Variants in CBFA2T2 observed in about 807,000 individuals in gnomAD.
The protein encoded by CBFA2T2 is CBFA2/RUNX1 partner transcriptional co-repressor 2.
A neutral mutation model predicts 62.2 loss-of-function variants in CBFA2T2; 11 were observed. The observed-to-expected ratio is 0.18, with a 90% CI of 0.11 to 0.29. The LOEUF (loss-of-function observed/expected upper bound fraction) is 0.29, where lower values mean the gene tolerates loss of function less well. CBFA2T2 is among the 10% of genes least tolerant of loss of function. CBFA2T2 has a pLI of 1.00. For missense variants in CBFA2T2, 592 were observed against 774.1 expected (o/e 0.76, Z 2.79); for synonymous variants, 295 against 287.5 (o/e 1.03, Z -0.27).
At position 33,512,037 on chromosome 20, in the gene CBFA2T2, C is replaced by T. The variant is rs1021088438; in HGVS notation, c.34+21736C>T. 7.9e-5 allele frequency among the ~76,000 whole-genome samples: 12 copies of T among 152,244 alleles called. 1 individual carries two copies. Among genetic ancestry groups the T allele is most frequent in the East Asian group, 5.8e-4 (3 of 5,182 alleles). On this transcript the variant is annotated intron_variant, in intron 1 of 10. Transcript: ENST00000342704. ...ACTAAAAATACAAAGATTAGCTGGGCGTGGTGGCATGCGCCTGTAGGCCCA... is the reference window on the plus strand; with the variant it reads ...ACTAAAAATACAAAGATTAGCTGGGTGTGGTGGCATGCGCCTGTAGGCCCA...
chr20:33,644,490 C>G lies in CBFA2T2; in HGVS notation c.1632C>G (p.His544Gln), dbSNP rs45563732. The change falls in exon 11 of 11, where the codon CAC becomes CAG. Residue 544 changes from histidine (H) to glutamine (Q), a missense_variant. His to Gln is a conservative substitution (Grantham distance 24). Transcript: ENST00000342704. ...CGQNLHGQSP[H>Q]GQGRPLLPVG... ...AGAACCTGCATGGCCAGAGCCCCCA[C>G]GGCCAGGGCCGGCCGCTGCTTCCTG... 6.2e-7 allele frequency: 1 copy of G among 1,613,988 alleles called. No homozygotes were observed. The highest frequency in any genetic ancestry group is 1.3e-5 in the African/African-American group (1 of 74,954).
chr20:33,494,908 T>A (rs1445068441), intron 1 of CBFA2T2, among the ~76,000 whole-genome samples: 2 of 151,540 alleles, frequency 1.3e-5, no homozygotes, highest in Admixed American at 1.3e-4. Context: ...TAGGTATGTT[T>A]TATAACATAC....
intron 1 of CBFA2T2, among the ~76,000 whole-genome samples, chr20:33,523,884 A>G (rs2011806495): frequency 6.6e-6 from 1 of 152,108 alleles, no homozygotes; most frequent in Non-Finnish European, 1.5e-5. Context: ...GGGTTTCTCC[A>G]TGTTGGTCAG....
chr20:33,636,990 T>C (rs1037794625), intron 9 of CBFA2T2, among the ~76,000 whole-genome samples: 5 of 152,218 alleles, frequency 3.3e-5, no homozygotes, highest in Non-Finnish European at 5.9e-5. Flanking sequence ...TGACATGTCC[T>C]GTTTCTGGGC....
At chr20:33,628,522 G>A in intron 7 of CBFA2T2, 87 bp downstream of exon 7, 2 of 896,072 alleles carry the variant, frequency 2.2e-6, no homozygotes, top group Non-Finnish European at 3.7e-6. Flanking sequence ...AGGATGGAGT[G>A]CAGTGGTATG....
At position 33,536,568 on chromosome 20, in the gene CBFA2T2, A is replaced by T. The variant is rs568395120; in HGVS notation, c.34+46267A>T. Reference sequence around the variant, plus strand: ...TGGCTGCCGGGCGTAGGGGCTCCTCACTTCTCAGACGGGGCGGCTGCCGGG... The same window carrying T: ...TGGCTGCCGGGCGTAGGGGCTCCTCTCTTCTCAGACGGGGCGGCTGCCGGG... On this transcript the variant is annotated intron_variant, in intron 1 of 10. Transcript: ENST00000342704. 5.2e-3 allele frequency among the ~76,000 whole-genome samples: 776 copies of T among 148,046 alleles called. 4 individuals carry two copies. Among genetic ancestry groups the T allele is most frequent in the African/African-American group, 0.019 (745 of 39,604 alleles).
intron 2 of CBFA2T2, among the ~76,000 whole-genome samples, chr20:33,609,351 A>G (rs937076834): frequency 1.1e-4 from 16 of 152,080 alleles, no homozygotes; most frequent in African/African-American, 3.9e-4. Flanking sequence ...AAATACAAAA[A>G]ATTAGCTGGA....
intron 4 of CBFA2T2, among the ~76,000 whole-genome samples, chr20:33,620,693 T>C (rs775749112): frequency 6.7e-6 from 1 of 149,758 alleles, no homozygotes; most frequent in Non-Finnish European, 1.5e-5. Flanking sequence ...TAGAAAAAAT[T>C]AGCACATGCC....
chr20:33,628,583 C>T, intron 7 of CBFA2T2, 148 bp downstream of exon 7: 1 of 644,938 alleles, frequency 1.6e-6, no homozygotes, highest in Non-Finnish European at 2.8e-6. Flanking sequence ...ATTCTCCTGC[C>T]TCTGTCTTCG....
intron 2 of CBFA2T2, among the ~76,000 whole-genome samples, chr20:33,608,518 A>G (rs566306874): frequency 6.6e-6 from 1 of 152,362 alleles, no homozygotes; most frequent in South Asian, 2.1e-4. Context: ...TGGTAACTGT[A>G]GCATTCAGTT....
In CBFA2T2 at chr20:33,648,937, T is replaced by C. The variant is rs924288360; in HGVS notation, c.*4291T>C. 9.9e-5 allele frequency: 15 copies of C among 152,164 alleles called. No homozygotes were observed. The highest frequency in any genetic ancestry group is 3.6e-4 in the African/African-American group (15 of 41,448). The allele number at this position is 152,164 out of a possible 1,614,324, so 9.4% of individuals were successfully genotyped here. A position where few individuals can be genotyped will look rare whatever the true frequency, so the allele number is the denominator to read the frequency against. Reference sequence around the variant, plus strand: ...GTATAGACATCATTCTGGGTAGTTCTAGAGGATATCGCAACAAGTGCGTTT... The same window carrying C: ...GTATAGACATCATTCTGGGTAGTTCCAGAGGATATCGCAACAAGTGCGTTT... On this transcript the variant is annotated 3_prime_UTR_variant, in exon 11 of 11. Coordinates refer to ENST00000342704, the MANE Select transcript of CBFA2T2 (RefSeq NM_001032999.3).
intron 1 of CBFA2T2, among the ~76,000 whole-genome samples, chr20:33,540,941 G>A (rs1377212496): frequency 1.3e-5 from 2 of 152,128 alleles, no homozygotes; most frequent in African/African-American, 4.8e-5. Flanking sequence ...GGTAACCCTA[G>A]AGTTGTGCAA....
At chr20:33,616,126 TA>T (rs1217854456) in intron 3 of CBFA2T2, among the ~76,000 whole-genome samples, 9 of 149,358 alleles carry the variant, frequency 6.0e-5, no homozygotes, top group African/African-American at 1.7e-4. Context: ...GATAGATAGA[TA>T]GATAGATGAC....
At chr20:33,602,819 C>T (rs1434559913) in intron 1 of CBFA2T2, among the ~76,000 whole-genome samples, 2 of 152,062 alleles carry the variant, frequency 1.3e-5, no homozygotes, top group African/African-American at 4.8e-5. Flanking sequence ...TTGGTGTGTC[C>T]GAATTGCCAG....
At chr20:33,537,823 C>T (rs562799272) in intron 1 of CBFA2T2, among the ~76,000 whole-genome samples, 1 of 152,204 alleles carries the variant, frequency 6.6e-6, no homozygotes, top group South Asian at 2.1e-4. Flanking sequence ...GGGTCTGTTT[C>T]TGGACTCTGT....
At position 33,607,971 on chromosome 20, in the gene CBFA2T2, A is replaced by AG. The variant is rs762016078; in HGVS notation, c.178+874dup. Among the ~76,000 whole-genome samples the AG allele has an allele frequency of 2.1e-4, 32 of 152,334 alleles. 1 individual carries two copies. The highest frequency in any genetic ancestry group is 3.8e-4 in the Non-Finnish European group (26 of 68,026). Reference sequence around the variant, plus strand: ...AATACAGTACCATTATACACCCACCAGGATGTTCAAAATGATACCAAGTTT... The same window carrying AG: ...AATACAGTACCATTATACACCCACCAGGGATGTTCAAAATGATACCAAGTTT... On this transcript the variant is annotated intron_variant, in intron 2 of 10. Coordinates refer to ENST00000342704, the MANE Select transcript of CBFA2T2 (RefSeq NM_001032999.3).
chr20:33,644,300 C>T (rs1568877257), intron 10 of CBFA2T2, 47 bp from the exon 11 acceptor site: 1 of 1,573,120 alleles, frequency 6.4e-7, no homozygotes, highest in East Asian at 2.2e-5. Flanking sequence ...AATGGCAAGC[C>T]TGCCCCTCAA....
chr20:33,611,697 T>G (rs1710608002), intron 3 of CBFA2T2, among the ~76,000 whole-genome samples: 1 of 152,094 alleles, frequency 6.6e-6, no homozygotes, highest in South Asian at 2.1e-4. Flanking sequence ...TTTATTTTGG[T>G]AGAGATGGGA....
In CBFA2T2 at chr20:33,624,956, G is replaced by C. The variant is rs1272822694; in HGVS notation, c.885G>C (p.Leu295=). Residue 295 remains leucine, a synonymous_variant, in exon 6 of 11, where the codon CTG becomes CTC. Coordinates refer to ENST00000342704, the MANE Select transcript of CBFA2T2 (RefSeq NM_001032999.3). ...TAGAGGATATTGCAACTTCTCACCTGTATCGGGAACCCAACAAGATGCTAG... is the reference window on the plus strand; with the variant it reads ...TAGAGGATATTGCAACTTCTCACCTCTATCGGGAACCCAACAAGATGCTAG... ...YTLEDIATSH[L]YREPNKMLEH... is the part of the protein sequence containing the mutation. 2.5e-6 allele frequency: 4 copies of C among 1,614,002 alleles called. No individual in the cohort carries two copies. In the Admixed American group the frequency reaches 5.0e-5, roughly 20 times the overall value.
Sources: gnomAD v4.1 joint callset for allele counts (sites outside exome capture counted in the v4.1 genomes callset) on GRCh38, gnomAD v4.1.1 for gene constraint, MANE v1.5 for transcripts, NCBI Gene and HGNC (gene_info 2026-07-23, HGNC 2026-07-21) for gene names.